DNAH7: variants seen among roughly 807,000 people sequenced by gnomAD.
The protein encoded by DNAH7 is dynein axonemal heavy chain 7.
In DNAH7, 397 loss-of-function variants were observed where a neutral mutation model predicts 444.6. The observed-to-expected ratio is 0.89, with a 90% CI of 0.82 to 0.97. The LOEUF (loss-of-function observed/expected upper bound fraction) is 0.97, where lower values mean the gene tolerates loss of function less well. DNAH7 is among the 50% of genes least tolerant of loss of function. DNAH7 has a pLI of 0.00. For missense variants in DNAH7, 4,902 were observed against 4,800.8 expected (o/e 1.02, Z -0.62); for synonymous variants, 1,636 against 1,624.4 (o/e 1.01, Z -0.17).
At chr2:195,985,533 G>A (rs1239845911) in intron 14 of DNAH7, among the ~76,000 whole-genome samples, 3 of 152,178 alleles carry the variant, frequency 2.0e-5, no homozygotes, top group Non-Finnish European at 4.4e-5. Context: ...TGAGTAGGTG[G>A]GAGACAGGCT....
intron 19 of DNAH7, among the ~76,000 whole-genome samples, chr2:195,948,003 G>T (rs935622058): frequency 3.3e-5 from 5 of 152,012 alleles, no homozygotes; most frequent in Non-Finnish European, 5.9e-5. Flanking sequence ...GCATGAGATG[G>T]TATCTCATTG....
At chr2:195,910,918 T>C (rs1436141772) in intron 24 of DNAH7, among the ~76,000 whole-genome samples, 2 of 152,162 alleles carry the variant, frequency 1.3e-5, no homozygotes, top group Non-Finnish European at 2.9e-5. Flanking sequence ...AAATTTCTAC[T>C]AGTCATGGGC....
intron 23 of DNAH7, among the ~76,000 whole-genome samples, chr2:195,922,696 A>G (rs547285730): frequency 6.6e-5 from 10 of 152,070 alleles, no homozygotes; most frequent in Admixed American, 2.0e-4. Context: ...AGCCTATATG[A>G]TGAAAACTAT....
intron 54 of DNAH7, among the ~76,000 whole-genome samples, chr2:195,803,325 C>T (rs905610333): frequency 2.6e-5 from 4 of 152,216 alleles, no homozygotes; most frequent in Non-Finnish European, 5.9e-5. Flanking sequence ...TCACTTTGCA[C>T]AGGCAAATGG....
intron 61 of DNAH7, among the ~76,000 whole-genome samples, chr2:195,768,165 T>C (rs1211233565): frequency 2.0e-5 from 3 of 148,048 alleles, no homozygotes; most frequent in Non-Finnish European, 4.5e-5. Flanking sequence ...TGGGTATATA[T>C]ATTTATATCT....
At chr2:195,928,676 G>C (rs1331273244) in intron 21 of DNAH7, among the ~76,000 whole-genome samples, 1 of 151,912 alleles carries the variant, frequency 6.6e-6, no homozygotes, top group African/African-American at 2.4e-5. Context: ...GAGAAAATCA[G>C]ACCTATCCAA....
intron 5 of DNAH7, among the ~76,000 whole-genome samples, chr2:196,035,743 C>T (rs1457959273): frequency 2.6e-5 from 4 of 152,204 alleles, no homozygotes; most frequent in Non-Finnish European, 5.9e-5. Flanking sequence ...AGGAATGCTC[C>T]ATTGCAGGAA....
chr2:195,954,389 T>G (rs565014340), intron 19 of DNAH7, among the ~76,000 whole-genome samples: 102 of 152,302 alleles, frequency 6.7e-4, no homozygotes, highest in African/African-American at 2.3e-3. Flanking sequence ...AGTATTCCAT[T>G]GTGTATATGT....
At chr2:195,866,769 A>T (rs1700365662) in intron 40 of DNAH7, among the ~76,000 whole-genome samples, 1 of 152,064 alleles carries the variant, frequency 6.6e-6, no homozygotes, top group Admixed American at 6.5e-5. Context: ...TTCCTTATTT[A>T]AGGTACAGAT....
At chr2:196,067,574 A>T (rs934661755) in intron 1 of DNAH7, among the ~76,000 whole-genome samples, 2 of 152,122 alleles carry the variant, frequency 1.3e-5, no homozygotes, top group Non-Finnish European at 2.9e-5. Context: ...TTATTTTTTT[A>T]AAAAGGTTCA....
At chr2:195,751,096 ATTTG>A (rs1158674704) in intron 63 of DNAH7, among the ~76,000 whole-genome samples, 2 of 152,128 alleles carry the variant, frequency 1.3e-5, no homozygotes, top group Non-Finnish European at 2.9e-5. Context: ...TTCCTTCTGT[ATTTG>A]TTTTATTTAT....
At chr2:195,932,116 T>C (rs902424467) in intron 21 of DNAH7, among the ~76,000 whole-genome samples, 1 of 152,182 alleles carries the variant, frequency 6.6e-6, no homozygotes, top group African/African-American at 2.4e-5. Context: ...TGGTTTGTAG[T>C]TCTCCTTGAA....
At position 195,895,005 on chromosome 2, in the gene DNAH7, C is replaced by A; in HGVS notation, c.4867G>T (p.Ala1623Ser). The stretch of plus-strand genomic sequence containing the variant: ...TCACATATATCATTTAGTGCTCCAG[C>A]TAAGACACGATATGCACTAGTTTTT... Reference protein sequence around the residue: ...GGKTSAYRVLAGALNDICEKG... With the variant: ...GGKTSAYRVLSGALNDICEKG... Residue 1623 changes from alanine to serine, a missense_variant, in exon 30 of 65, where the codon GCT becomes TCT. Ala to Ser is a moderately conservative substitution (Grantham distance 99). Transcript: ENST00000312428. 6.2e-7 allele frequency: 1 copy of A among 1,611,262 alleles called. No individual in the cohort carries two copies. The highest frequency in any genetic ancestry group is 1.3e-5 in the African/African-American group (1 of 74,988).
intron 38 of DNAH7, among the ~76,000 whole-genome samples, chr2:195,875,174 A>G (rs1700976234): frequency 6.6e-6 from 1 of 152,206 alleles, no homozygotes; most frequent in Non-Finnish European, 1.5e-5. Flanking sequence ...AATTCTTCTC[A>G]GCAGCCTGTT....
At chr2:195,934,953 C>A (rs1488358352) in intron 20 of DNAH7, among the ~76,000 whole-genome samples, 164 bp from the exon 21 acceptor site, 1 of 152,172 alleles carries the variant, frequency 6.6e-6, no homozygotes, top group African/African-American at 2.4e-5. Flanking sequence ...ACAAGCTCTG[C>A]CTACATGCAT....
At chr2:195,871,764 T>C (rs571742537) in intron 40 of DNAH7, among the ~76,000 whole-genome samples, 2 of 126,968 alleles carry the variant, frequency 1.6e-5, no homozygotes, top group Non-Finnish European at 3.1e-5. Context: ...ACCCCGTCTC[T>C]ACTAAAAATA....
chr2:195,785,668 T>C (rs1319198657), intron 58 of DNAH7, among the ~76,000 whole-genome samples: 1 of 151,716 alleles, frequency 6.6e-6, no homozygotes, highest in Non-Finnish European at 1.5e-5. Flanking sequence ...TCTATCGATA[T>C]GATCATGTGG....
rs544288645 is a variant in DNAH7, at chr2:196,003,924, G to T, written c.990-2066C>A. On this transcript the variant is annotated intron_variant, in intron 10 of 64. Coordinates refer to ENST00000312428, the MANE Select transcript of DNAH7 (RefSeq NM_018897.3). Reference sequence around the variant, plus strand: ...TAATTACTTTAAAAATCAGTAATTGGTTAAAAGGGGGAACAAAGAGCCTTC... The same window carrying T: ...TAATTACTTTAAAAATCAGTAATTGTTTAAAAGGGGGAACAAAGAGCCTTC... 3.3e-5 allele frequency among the ~76,000 whole-genome samples: 5 copies of T among 152,262 alleles called. No homozygotes were observed. The South Asian group carries it at 1.0e-3, about 32-fold the overall frequency.
At chr2:195,885,687 T>C (rs142978098) in intron 34 of DNAH7, among the ~76,000 whole-genome samples, 220 of 152,330 alleles carry the variant, frequency 1.4e-3, no homozygotes, top group Admixed American at 2.5e-3. Context: ...TACCTACATA[T>C]TTTCTTGCTT....
Sources: allele counts gnomAD v4.1 joint callset (sites outside exome capture counted in the v4.1 genomes callset), GRCh38; gene constraint gnomAD v4.1.1; transcripts MANE v1.5; gene names NCBI Gene and HGNC (gene_info 2026-07-23, HGNC 2026-07-21).